Variants in ANO3 observed in about 807,000 individuals in gnomAD.
ANO3 encodes the protein anoctamin 3, also known as anoctamin-3.
Under a neutral mutation model 144.8 loss-of-function variants are expected in ANO3, and 99 were observed. That is an observed-to-expected ratio of 0.68 (90% CI 0.58 to 0.81). ANO3 has a LOEUF of 0.81. ANO3 is among the 30% of genes least tolerant of loss of function. ANO3 has a pLI of 0.00. For missense variants in ANO3, 905 were observed against 1,202.2 expected (o/e 0.75, Z 3.66); for synonymous variants, 414 against 392.6 (o/e 1.05, Z -0.64).
At chr11:26,531,637 ATGT>A (rs1849373587) in intron 8 of ANO3, among the ~76,000 whole-genome samples, 1 of 152,114 alleles carries the variant, frequency 6.6e-6, no homozygotes, top group Non-Finnish European at 1.5e-5. Flanking sequence ...AATAACAATA[ATGT>A]TAATAATAAT....
Position 26,537,507 on chromosome 11 carries a change from C to G in ANO3, c.1032+46C>G, listed in dbSNP as rs373991561. ...CCGCTTTATAAACAAGGTTTTCATG[C>G]TCAATGCTTGGTCCTGTTGTTTGCA... On this transcript the variant is annotated intron_variant, in intron 10 of 26. Coordinates refer to ENST00000256737, the MANE Select transcript of ANO3 (RefSeq NM_031418.4). The G allele has an allele frequency of 5.5e-5, 81 of 1,468,780 alleles. No individual in the cohort carries two copies. The African/African-American group carries it at 9.2e-4, about 17-fold the overall frequency. 91.0% of individuals were successfully genotyped at this position (1,468,780 alleles called of 1,614,324 possible). A position where few individuals can be genotyped will look rare whatever the true frequency, so the allele number is the denominator to read the frequency against.
intron 23 of ANO3, 98 bp downstream of exon 23, chr11:26,643,432 CAGTGTCAT>C: frequency 6.9e-7 from 1 of 1,449,444 alleles, no homozygotes; most frequent in South Asian, 1.3e-5. Context: ...ACTTAATTGC[CAGTGTCAT>C]AGTATTAAGA....
intron 1 of ANO3, among the ~76,000 whole-genome samples, chr11:26,391,921 C>T (rs543383294): frequency 3.3e-5 from 5 of 152,226 alleles, no homozygotes; most frequent in African/African-American, 7.2e-5. Context: ...GCCAGTCAAT[C>T]ACTCACCATT....
At chr11:26,485,182 A>G (rs768259488) in intron 4 of ANO3, among the ~76,000 whole-genome samples, 8 of 152,292 alleles carry the variant, frequency 5.3e-5, no homozygotes, top group South Asian at 2.1e-4. Context: ...TGAGAAGGAC[A>G]TGGGATTTGG....
intron 1 of ANO3, among the ~76,000 whole-genome samples, chr11:26,194,612 T>C (rs1017420495): frequency 1.3e-5 from 2 of 151,994 alleles, no homozygotes; most frequent in Non-Finnish European, 1.5e-5. Context: ...GGAATTCTCC[T>C]GCCTCAGCCT....
At chr11:26,225,416 A>G (rs1424476994) in intron 1 of ANO3, among the ~76,000 whole-genome samples, 1 of 152,138 alleles carries the variant, frequency 6.6e-6, no homozygotes, top group African/African-American at 2.4e-5. Context: ...CACTAACTGC[A>G]GAAAAATAAC....
intron 1 of ANO3, among the ~76,000 whole-genome samples, chr11:26,334,706 G>C (rs1855148323): frequency 6.6e-6 from 1 of 152,156 alleles, no homozygotes; most frequent in South Asian, 2.1e-4. Context: ...TTTCTTCTGT[G>C]ACCAGATAAA....
At chr11:26,630,564 T>TA (rs1422753434) in intron 18 of ANO3, among the ~76,000 whole-genome samples, 4 of 138,512 alleles carry the variant, frequency 2.9e-5, no homozygotes, top group Non-Finnish European at 6.6e-5. Flanking sequence ...CACAGTTTTA[T>TA]AAAAAACAGT....
chr11:26,205,965 G>C (rs2133916560), intron 1 of ANO3, among the ~76,000 whole-genome samples: 1 of 152,300 alleles, frequency 6.6e-6, no homozygotes, highest in East Asian at 1.9e-4. Flanking sequence ...ACAGTGTATT[G>C]TTGCAGTTTC....
intron 7 of ANO3, among the ~76,000 whole-genome samples, chr11:26,526,386 T>C (rs117449308): frequency 0.022 from 3,336 of 152,226 alleles, 62 homozygotes; most frequent in Non-Finnish European, 0.035. Context: ...AAAAGCTTCT[T>C]ACCCTTGGCC....
At chr11:26,613,843 T>C (rs1358962153) in intron 17 of ANO3, among the ~76,000 whole-genome samples, 1 of 152,176 alleles carries the variant, frequency 6.6e-6, no homozygotes, top group African/African-American at 2.4e-5. Flanking sequence ...GCGGGCTGGA[T>C]GTTAGCCAGA....
At chr11:26,632,198 A>AC (rs1852805313) in intron 18 of ANO3, among the ~76,000 whole-genome samples, 1 of 150,936 alleles carries the variant, frequency 6.6e-6, no homozygotes, top group African/African-American at 2.4e-5. Context: ...TCTCAAGAAA[A>AC]AAAAAAAAAG....
chr11:26,226,494 T>C (rs4277072), intron 1 of ANO3, among the ~76,000 whole-genome samples: 48,255 of 151,956 alleles, frequency 0.32, 8,462 homozygotes, highest in Non-Finnish European at 0.38. Context: ...GTGTCAATTT[T>C]TAAAACATTT....
chr11:26,468,679 G>A (rs367742439), intron 4 of ANO3, among the ~76,000 whole-genome samples: 4 of 151,892 alleles, frequency 2.6e-5, no homozygotes, highest in African/African-American at 4.8e-5. Flanking sequence ...CTCAAATTGT[G>A]TATAGGACTT....
At chr11:26,224,114 T>C (rs1381178) in intron 1 of ANO3, among the ~76,000 whole-genome samples, 53,469 of 152,008 alleles carry the variant, frequency 0.35, 9,692 homozygotes, top group Non-Finnish European at 0.38. Context: ...TCCTGACTCA[T>C]GCCCTCCTTC....
chr11:26,452,262 G>A (rs1213731838), intron 3 of ANO3, among the ~76,000 whole-genome samples: 1 of 152,208 alleles, frequency 6.6e-6, no homozygotes, highest in Non-Finnish European at 1.5e-5. Context: ...AGAGAAGAAG[G>A]CTTCAGATGA....
intron 13 of ANO3, among the ~76,000 whole-genome samples, chr11:26,553,764 C>T (rs905411978): frequency 3.3e-5 from 5 of 152,040 alleles, no homozygotes; most frequent in South Asian, 4.1e-4. Context: ...ATTAACTGAA[C>T]GGCTTTTAAA....
intron 1 of ANO3, among the ~76,000 whole-genome samples, chr11:26,279,876 C>G (rs1213479599): frequency 6.6e-6 from 1 of 152,112 alleles, no homozygotes; most frequent in Non-Finnish European, 1.5e-5. Flanking sequence ...AGTCAAAATA[C>G]CCAATACTTG....
At chr11:26,222,683 C>A (rs1852171811) in intron 1 of ANO3, among the ~76,000 whole-genome samples, 1 of 152,252 alleles carries the variant, frequency 6.6e-6, no homozygotes, top group African/African-American at 2.4e-5. Context: ...GCATTCTGCA[C>A]ACCTACAGGC....
Sources: allele counts gnomAD v4.1 joint callset (sites outside exome capture counted in the v4.1 genomes callset), GRCh38; gene constraint gnomAD v4.1.1; transcripts MANE v1.5; gene names NCBI Gene and HGNC (gene_info 2026-07-23, HGNC 2026-07-21).